MTUS2: variants seen among roughly 807,000 people sequenced by gnomAD.
MTUS2 encodes the protein microtubule-associated tumor suppressor candidate 2.
A neutral mutation model predicts 114.1 loss-of-function variants in MTUS2; 40 were observed. The observed-to-expected ratio is 0.35, with a 90% confidence interval of 0.27 to 0.46. The LOEUF is 0.46. Among genes scored for constraint, MTUS2 ranks in the 20% least tolerant of loss-of-function variants. The pLI is 1.00. For missense variants in MTUS2, 1,679 were observed against 1,705.4 expected, an observed-to-expected ratio of 0.98 and a Z score of 0.27; for synonymous variants, 688 against 672.0, an observed-to-expected ratio of 1.02 and a Z score of -0.37.
chr13:29,156,816 A>G (rs1295881328), intron 5 of MTUS2, among the ~76,000 whole-genome samples: 2 of 151,830 alleles, frequency 1.3e-5, no homozygotes, highest in East Asian at 3.9e-4. Flanking sequence ...ATGAATATGA[A>G]TTTTTCCCGC....
At chr13:28,948,209 A>G (rs2138162046) in intron 2 of MTUS2, among the ~76,000 whole-genome samples, 1 of 152,246 alleles carries the variant, frequency 6.6e-6, no homozygotes, top group Middle Eastern at 3.4e-3. Flanking sequence ...TTCATTAGCC[A>G]GCTGTTTACT....
At chr13:29,454,999 G>T (rs1878999983) in intron 9 of MTUS2, among the ~76,000 whole-genome samples, 1 of 152,226 alleles carries the variant, frequency 6.6e-6, no homozygotes, top group African/African-American at 2.4e-5. Flanking sequence ...TGACACCATA[G>T]CCTGTAATCC....
intron 8 of MTUS2, chr13:29,428,865 C>T (rs763903398): frequency 6.2e-7 from 1 of 1,614,138 alleles, no homozygotes; most frequent in Non-Finnish European, 8.5e-7. Context: ...TGCTGCAAGC[C>T]TTATAACTGC....
At chr13:28,843,432 C>T (rs1278745178) in intron 2 of MTUS2, among the ~76,000 whole-genome samples, 1 of 152,098 alleles carries the variant, frequency 6.6e-6, no homozygotes, top group African/African-American at 2.4e-5. Flanking sequence ...TTTTTTGAGG[C>T]AGGGTAAGGT....
At chr13:28,863,638 C>T (rs981967714) in intron 2 of MTUS2, among the ~76,000 whole-genome samples, 5 of 152,080 alleles carry the variant, frequency 3.3e-5, no homozygotes, top group Admixed American at 6.6e-5. Flanking sequence ...AAAGTGCTTC[C>T]GCATTCTTCT....
intron 8 of MTUS2, 22 bp downstream of exon 8, chr13:29,359,495 G>A: frequency 1.3e-6 from 2 of 1,595,648 alleles, no homozygotes; most frequent in Non-Finnish European, 1.7e-6. Flanking sequence ...TTTCGTGAAG[G>A]TCCAAGGGCA....
At chr13:29,254,533 G>A (rs184916172) in intron 5 of MTUS2, among the ~76,000 whole-genome samples, 10 of 152,378 alleles carry the variant, frequency 6.6e-5, no homozygotes, top group Admixed American at 6.5e-4. Context: ...TGGCCGTGTT[G>A]CTGTTCTGGG....
In MTUS2 at chr13:29,100,910, T is replaced by A. The variant is rs748771398; in HGVS notation, c.2584T>A (p.Ser862Thr). The A allele has an allele frequency of 2.5e-6, 4 of 1,575,106 alleles. No individual in the cohort carries two copies. The highest frequency in any genetic ancestry group is 2.6e-6 in the Non-Finnish European group (3 of 1,160,074). The change falls in exon 5 of 16, where the codon TCA becomes ACA. Residue 862 changes from serine to threonine, a missense_variant. By Grantham distance (58) the Ser-to-Thr change is moderately conservative. Coordinates refer to ENST00000612955, the MANE Select transcript of MTUS2 (RefSeq NM_001033602.4). Reference protein sequence around the residue: ...FGFVRSSSVSSVSSTQSGDSA... With the variant: ...FGFVRSSSVSTVSSTQSGDSA... ...CTTTGTCCGGAGCTCCAGCGTCTCCTCAGTCTCCAGCACCCAGTCCGGGGA... is the reference window on the plus strand; with the variant it reads ...CTTTGTCCGGAGCTCCAGCGTCTCCACAGTCTCCAGCACCCAGTCCGGGGA...
chr13:29,124,613 G>A (rs376933984), intron 5 of MTUS2, among the ~76,000 whole-genome samples: 6 of 152,194 alleles, frequency 3.9e-5, no homozygotes, highest in African/African-American at 1.4e-4. Flanking sequence ...GCAGGCTTGT[G>A]AAGAGATATT....
At chr13:29,003,826 A>G (rs1342394878) in intron 2 of MTUS2, among the ~76,000 whole-genome samples, 1 of 152,180 alleles carries the variant, frequency 6.6e-6, no homozygotes, top group African/African-American at 2.4e-5. Flanking sequence ...CGGCCCTGGC[A>G]CAGCCTCCGT....
intron 9 of MTUS2, among the ~76,000 whole-genome samples, chr13:29,454,800 A>G (rs184557836): frequency 1.4e-3 from 211 of 152,314 alleles, no homozygotes; most frequent in Non-Finnish European, 2.1e-3. Context: ...CTAGTTCCTC[A>G]GTCTTTAGAC....
At chr13:29,098,085 A>C (rs1481163152) in intron 4 of MTUS2, among the ~76,000 whole-genome samples, 5 of 152,134 alleles carry the variant, frequency 3.3e-5, no homozygotes, top group Non-Finnish European at 7.3e-5. Flanking sequence ...AGAATCACTG[A>C]CGTGATTGTT....
intron 4 of MTUS2, among the ~76,000 whole-genome samples, chr13:29,061,145 A>G (rs1888400425): frequency 6.6e-6 from 1 of 152,094 alleles, no homozygotes; most frequent in Non-Finnish European, 1.5e-5. Flanking sequence ...TGTGAATTTT[A>G]TCTTGTTTGA....
intron 5 of MTUS2, among the ~76,000 whole-genome samples, chr13:29,163,788 A>G (rs1349980577): frequency 1.3e-5 from 2 of 152,108 alleles, no homozygotes; most frequent in South Asian, 2.1e-4. Flanking sequence ...TGACATTGCA[A>G]CCTATGCATG....
At chr13:28,973,775 G>A (rs1883962559) in intron 2 of MTUS2, among the ~76,000 whole-genome samples, 1 of 152,212 alleles carries the variant, frequency 6.6e-6, no homozygotes, top group African/African-American at 2.4e-5. Context: ...GGAAAGGAGA[G>A]GCTGGGATCT....
At chr13:29,144,704 G>A (rs1400226952) in intron 5 of MTUS2, among the ~76,000 whole-genome samples, 1 of 152,102 alleles carries the variant, frequency 6.6e-6, no homozygotes, top group African/African-American at 2.4e-5. Flanking sequence ...CCTTGAGTTA[G>A]CAAGATGAAT....
At chr13:29,436,994 C>T (rs1367893709) in intron 8 of MTUS2, among the ~76,000 whole-genome samples, 6 of 152,102 alleles carry the variant, frequency 3.9e-5, no homozygotes, top group East Asian at 1.9e-4. Flanking sequence ...AGCGCCATAC[C>T]GAAGAGGCCT....
chr13:29,028,845 G>A (rs779155295), intron 3 of MTUS2, among the ~76,000 whole-genome samples: 2 of 152,240 alleles, frequency 1.3e-5, no homozygotes, highest in South Asian at 4.1e-4. Flanking sequence ...AATGTTGAGT[G>A]ATAACTGAAT....
At chr13:29,008,011 C>G (rs184157644) in intron 2 of MTUS2, among the ~76,000 whole-genome samples, 23 of 152,134 alleles carry the variant, frequency 1.5e-4, no homozygotes, top group African/African-American at 5.6e-4. Context: ...CCATGATGAT[C>G]GGTTTCTTTT....
Sources: allele counts gnomAD v4.1 joint callset (sites outside exome capture counted in the v4.1 genomes callset), GRCh38; gene constraint gnomAD v4.1.1; transcripts MANE v1.5; gene names NCBI Gene and HGNC (gene_info 2026-07-23, HGNC 2026-07-21).